SSR4: variants seen among roughly 807,000 people sequenced by gnomAD.
SSR4 encodes the protein signal sequence receptor subunit 4, also known as translocon-associated protein subunit delta.
For missense variants in SSR4, 125 were observed against 148.8 expected (o/e 0.84, Z 0.83); for synonymous variants, 84 against 65.6 (o/e 1.28, Z -1.35).
intron 5 of SSR4, 85 bp from the exon 6 acceptor site, chrX:153,798,244 G>C: frequency 8.5e-7 from 1 of 1,176,733 alleles, no homozygotes; most frequent in African/African-American, 1.7e-5. Context: ...AGCATGTCTT[G>C]GTTCCCCTGG....
Position 153,796,453 on chromosome X carries a change from C to T in SSR4, c.87C>T (p.Pro29=). 3.3e-6 allele frequency: 4 copies of T among 1,210,436 alleles called. No individual in the cohort carries two copies. The highest frequency in any genetic ancestry group is 2.2e-6 in the Non-Finnish European group (2 of 894,114). The stretch of plus-strand genomic sequence containing the variant: ...CCGCAGCCGAGGCCTGCCTGGAGCC[C>T]CAGATCACCCCTTCCTACTACACCA... ...SRCSAEACLE[P]QITPSYYTTS... The change falls in exon 2 of 6, where the codon CCC becomes CCT. Residue 29 remains proline (P), a synonymous_variant. Coordinates refer to ENST00000370086, the MANE Select transcript of SSR4 (RefSeq NM_006280.3).
At chrX:153,795,888 G>A (rs2092137299) in intron 1 of SSR4, 1 of 739,898 alleles carries the variant, frequency 1.4e-6, no homozygotes, top group Non-Finnish European at 1.6e-6. Flanking sequence ...CTAACAAGTT[G>A]TGCTTCTGGA....
intron 2 of SSR4, chrX:153,797,077 CT>C: frequency 9.6e-6 from 2 of 207,661 alleles, no homozygotes; most frequent in Middle Eastern, 1.6e-3. Flanking sequence ...GAAATGGGGC[CT>C]TTTTTGGGTA....
At chrX:153,796,645 G>T (rs2082799608) in intron 2 of SSR4, 93 bp downstream of exon 2, 3 of 695,263 alleles carry the variant, frequency 4.3e-6, no homozygotes, top group South Asian at 2.3e-5. Flanking sequence ...GGAGAATCAA[G>T]ATTCCAACTC....
At chrX:153,794,180 G>C, upstream of SSR4, 1 of 1,102,005 alleles carries the variant, frequency 9.1e-7, no homozygotes. Flanking sequence ...AGACTGCTTC[G>C]GGTGCGGCTA....
chrX:153,794,702 A>G lies in SSR4; in HGVS notation c.15A>G (p.Ala5=). 8.3e-7 allele frequency: 1 copy of G among 1,211,782 alleles called. No homozygotes were observed. The highest frequency in any genetic ancestry group is 1.1e-6 in the Non-Finnish European group (1 of 895,378). The change falls in exon 1 of 6, where the codon GCA becomes GCG. Residue 5 remains alanine (A), a synonymous_variant. Coordinates refer to ENST00000370086, the MANE Select transcript of SSR4 (RefSeq NM_006280.3). ...GAGAAGAGGCGATGGCGGCGATGGCATCTCTCGGCGCCCTGGCGCTGCTCC... is the reference window on the plus strand; with the variant it reads ...GAGAAGAGGCGATGGCGGCGATGGCGTCTCTCGGCGCCCTGGCGCTGCTCC... MAAM[A]SLGALALLLL...
chrX:153,797,781 C>A lies in SSR4; in HGVS notation c.318C>A (p.Phe106Leu). ...ACGCAGGCACCTATGAGGTTAGATT[C>A]TTCGACGAGGAGTCCTACAGCCTCC... The part of the protein sequence containing the change: ...SAHAGTYEVR[F>L]FDEESYSLLR... The change falls in exon 4 of 6, where the codon TTC becomes TTA. Residue 106 changes from phenylalanine to leucine, a missense_variant. Transcript: ENST00000370086. The A allele has an allele frequency of 8.3e-7, 1 of 1,208,898 alleles. No individual in the cohort carries two copies. The highest frequency in any genetic ancestry group is 1.1e-6 in the Non-Finnish European group (1 of 894,191).
rs1213803786 is a variant in SSR4 at position 153,798,375 on chromosome X, C to T, written c.464C>T (p.Ala155Val). The T allele has an allele frequency of 2.5e-6, 3 of 1,204,191 alleles. No individual in the cohort carries two copies. Among genetic ancestry groups the T allele is most frequent in the South Asian group, 3.6e-5 (2 of 55,808 alleles). ...PWVSTEVLAA[A>V]IGLVIYYLAF... The stretch of plus-strand genomic sequence containing the variant: ...GTGTCCACTGAGGTGCTGGCTGCGG[C>T]GATCGGCCTTGTGATCTACTACTTG... Residue 155 changes from alanine to valine, a missense_variant, in exon 6 of 6, where the codon GCG becomes GTG. Physicochemically the swap from Ala to Val is moderately conservative, Grantham distance 64 (BLOSUM62 0). Transcript: ENST00000370086.
At chrX:153,794,595 TG>T, upstream of SSR4, 1 of 1,194,575 alleles carries the variant, frequency 8.4e-7, no homozygotes, top group Non-Finnish European at 1.1e-6. Context: ...GGTGCGCGAT[TG>T]GCTGCCGCTG....
intron 5 of SSR4, 33 bp downstream of exon 5, chrX:153,798,169 T>C (rs1415318312): frequency 1.7e-6 from 2 of 1,196,493 alleles, no homozygotes; most frequent in East Asian, 5.9e-5. Context: ...CTTTTTGGGG[T>C]TGTTGGGCTG....
Position 153,797,822 on chromosome X carries a change from C to T in SSR4, c.351+8C>T. 6 of 1,174,500 alleles carry T rather than the reference C, an allele frequency of 5.1e-6. No individual in the cohort carries two copies. In the South Asian group the frequency reaches 7.4e-5, roughly 14 times the overall value. On this transcript the variant is annotated splice_region_variant and intron_variant, in intron 4 of 5. Transcript: ENST00000370086. ...TACAGCCTCCTCAGGAAGGTGAGGA[C>T]TCCTGTAGCCCACTGTGCTCCCCTG...
At chrX:153,794,858 T>A in intron 1 of SSR4, 104 bp downstream of exon 1, 1 of 997,104 alleles carries the variant, frequency 1.0e-6, no homozygotes, top group Non-Finnish European at 1.4e-6. Flanking sequence ...GGTCCGTCGC[T>A]GCGGGCCGGG....
intron 1 of SSR4, chrX:153,795,367 G>A (rs1281096347): frequency 8.8e-6 from 1 of 113,134 alleles, no homozygotes; most frequent in East Asian, 2.8e-4. Flanking sequence ...CCGGGCCCGG[G>A]GGCCAGGACT....
At chrX:153,795,920 TTCTTC>T in intron 1 of SSR4, 1 of 685,757 alleles carries the variant, frequency 1.5e-6, no homozygotes, top group Non-Finnish European at 1.7e-6. Context: ...TCCCGTTTAC[TTCTTC>T]AGGAAACGCT....
chrX:153,795,031 C>A (rs1473261514), intron 1 of SSR4: 2 of 380,922 alleles, frequency 5.3e-6, no homozygotes, highest in Non-Finnish European at 9.2e-6. Context: ...TGACACATGT[C>A]CCGGCTCCCG....
Position 153,796,674 on chromosome X carries a change from C to T in SSR4, c.186+122C>T. 3 of 562,972 alleles carry T rather than the reference C, an allele frequency of 5.3e-6. No homozygotes were observed. The South Asian group carries it at 7.8e-5, about 15-fold the overall frequency. The allele number at this position is 562,972 out of a possible 1,213,427, so 46.4% of individuals were successfully genotyped here. On this transcript the variant is annotated intron_variant, in intron 2 of 5. Transcript: ENST00000370086. ...CCAACTCTTGGGGTGCCGGAGAGAT[C>T]AGGGCACGGTGATGCCAGATCCTAG...
At chrX:153,797,225 C>T (rs2092147029) in intron 2 of SSR4, 2 of 420,900 alleles carry the variant, frequency 4.8e-6, no homozygotes, top group East Asian at 3.9e-5. Context: ...GGTTCCTATG[C>T]GTCCAGTTAG....
At chrX:153,794,526 G>T, upstream of SSR4, 1 of 1,165,199 alleles carries the variant, frequency 8.6e-7, no homozygotes. Flanking sequence ...TGGGCCCCTG[G>T]CTCAGGGAGG....
chrX:153,797,706 T>G lies in SSR4; in HGVS notation c.262-19T>G, dbSNP rs1357383291. The G allele has an allele frequency of 8.3e-7, 1 of 1,203,262 alleles. No individual in the cohort carries two copies. Among genetic ancestry groups the G allele is most frequent in the African/African-American group, 1.8e-5 (1 of 57,101 alleles). On this transcript the variant is annotated intron_variant, in intron 3 of 5. Coordinates refer to ENST00000370086, the MANE Select transcript of SSR4 (RefSeq NM_006280.3). The stretch of plus-strand genomic sequence containing the variant: ...CTCCGTGTCCACTCTGCCCACACTC[T>G]GCTCAACACCCAACCCAGGTGTCCT...
Sources: allele counts gnomAD v4.1 joint callset, GRCh38; gene constraint gnomAD v4.1.1; transcripts MANE v1.5; gene names NCBI Gene and HGNC (gene_info 2026-07-23, HGNC 2026-07-21).